The following ROR2 variants were observed in gnomAD, a reference collection of about 807,000 sequenced individuals.
The protein encoded by ROR2 is tyrosine-protein kinase transmembrane receptor ROR2.
ROR2 carries 33 observed loss-of-function variants against 74.9 expected under a neutral mutation model. The observed-to-expected ratio is 0.44, with a 90% CI of 0.33 to 0.59. The LOEUF (loss-of-function observed/expected upper bound fraction) is 0.59, where lower values mean the gene tolerates loss of function less well. Among genes scored for constraint, ROR2 ranks in the 20% least tolerant of loss-of-function variants. ROR2 has a pLI of 0.02. For synonymous variants in ROR2, 586 were observed against 558.7 expected, an observed-to-expected ratio of 1.05 and a Z score of -0.69; for missense variants, 1,216 against 1,313.8, an observed-to-expected ratio of 0.93 and a Z score of 1.15.
At chr9:91,930,741 C>T (rs147310642) in intron 1 of ROR2, among the ~76,000 whole-genome samples, 7 of 152,336 alleles carry the variant, frequency 4.6e-5, no homozygotes, top group Non-Finnish European at 8.8e-5. Flanking sequence ...AGATACAACA[C>T]ACCTATAAGC....
chr9:91,872,695 C>G (rs1829832893), intron 1 of ROR2, among the ~76,000 whole-genome samples: 1 of 152,180 alleles, frequency 6.6e-6, no homozygotes, highest in Non-Finnish European at 1.5e-5. Flanking sequence ...ATTACAGAGG[C>G]TGGGCTGGAA....
rs78004305 is a variant in ROR2 at position 91,848,822 on chromosome 9, T to C, written c.98-73004A>G. ...TAAGGCTGTAGTTGAAATACTGTAC[T>C]AGACTCATGCTGGCTGAGAGTTGGG... On this transcript the variant is annotated intron_variant, in intron 1 of 8. Transcript: ENST00000375708. Among the ~76,000 whole-genome samples the C allele has an allele frequency of 9.2e-3, 1,390 of 150,932 alleles. 25 individuals carry two copies. The highest frequency in any genetic ancestry group is 0.032 in the African/African-American group (1,297 of 41,048).
At chr9:91,840,005 ACC>A (rs1443173175) in intron 1 of ROR2, among the ~76,000 whole-genome samples, 2 of 151,970 alleles carry the variant, frequency 1.3e-5, no homozygotes, top group Admixed American at 6.5e-5. Flanking sequence ...GCGCTGTATC[ACC>A]CCACACTGTA....
At chr9:91,793,810 A>G (rs942525563) in intron 1 of ROR2, among the ~76,000 whole-genome samples, 1 of 152,166 alleles carries the variant, frequency 6.6e-6, no homozygotes, top group African/African-American at 2.4e-5. Context: ...TAAAATTGCA[A>G]TAGCTAATAA....
In ROR2 at chr9:91,775,784, T is replaced by C. The variant is rs773747984; in HGVS notation, c.132A>G (p.Leu44=). 1.1e-5 allele frequency: 17 copies of C among 1,614,084 alleles called. No homozygotes were observed. The highest frequency in any genetic ancestry group is 1.6e-4 in the Middle Eastern group (1 of 6,084). The change falls in exon 2 of 9, where the codon TTA becomes TTG. Residue 44 remains leucine, a synonymous_variant. Transcript: ENST00000375708. ...GGCCGTCCTGCCCATCAAGGGGTCCTAAAGGGTCGTTCGGATCCAGAACCT... is the reference window on the plus strand; with the variant it reads ...GGCCGTCCTGCCCATCAAGGGGTCCCAAAGGGTCGTTCGGATCCAGAACCT... ...EVEVLDPNDP[L]GPLDGQDGPI...
intron 1 of ROR2, among the ~76,000 whole-genome samples, chr9:91,933,032 C>G (rs114879302): frequency 6.6e-6 from 1 of 152,138 alleles, no homozygotes; most frequent in Non-Finnish European, 1.5e-5. Flanking sequence ...AGCACAGTGG[C>G]CTATGATTAC....
rs1290799129 is a variant in ROR2, at chr9:91,726,568, T to C, written c.1359A>G (p.Glu453=). ...QLMASPSQDM[E]MPLINQHKQA... is the part of the protein sequence containing the mutation. ...GTTTGTGCTGGTTAATGAGGGGCAT[T>C]TCCATGTCTTGGCTGGGCGAGGCCA... The change falls in exon 8 of 9, where the codon GAA becomes GAG. Residue 453 remains glutamate (E), a synonymous_variant. Coordinates refer to ENST00000375708, the MANE Select transcript of ROR2 (RefSeq NM_004560.4). 6.2e-7 allele frequency: 1 copy of C among 1,612,876 alleles called. No homozygotes were observed. The highest frequency in any genetic ancestry group is 8.5e-7 in the Non-Finnish European group (1 of 1,180,002).
chr9:91,796,272 T>C (rs1827161547), intron 1 of ROR2, among the ~76,000 whole-genome samples: 1 of 151,804 alleles, frequency 6.6e-6, no homozygotes, highest in African/African-American at 2.4e-5. Context: ...CAAAACCTCA[T>C]CTCTACAAAA....
intron 1 of ROR2, among the ~76,000 whole-genome samples, chr9:91,787,486 C>T (rs906247053): frequency 3.9e-5 from 6 of 151,980 alleles, no homozygotes; most frequent in Non-Finnish European, 5.9e-5. Context: ...GCCTGGGAGA[C>T]GGAACAAGAC....
chr9:91,825,757 G>T lies in ROR2; in HGVS notation c.98-49939C>A, dbSNP rs528139861. ...TCACTTATTTTGCTGGAAAAAAAGT[G>T]GGGGAGGGTAGGATGGACTGTGGAG... On this transcript the variant is annotated intron_variant, in intron 1 of 8. Coordinates refer to ENST00000375708, the MANE Select transcript of ROR2 (RefSeq NM_004560.4). 3.3e-5 allele frequency among the ~76,000 whole-genome samples: 5 copies of T among 152,242 alleles called. No homozygotes were observed. In the South Asian group the frequency reaches 1.0e-3, roughly 32 times the overall value.
At chr9:91,919,045 G>C (rs1831206590) in intron 1 of ROR2, among the ~76,000 whole-genome samples, 1 of 151,854 alleles carries the variant, frequency 6.6e-6, no homozygotes, top group Non-Finnish European at 1.5e-5. Flanking sequence ...AACACAGCCA[G>C]ACTGCCTAGG....
chr9:91,740,415 A>G (rs1231085967), intron 4 of ROR2, among the ~76,000 whole-genome samples: 2 of 151,912 alleles, frequency 1.3e-5, no homozygotes, highest in Non-Finnish European at 2.9e-5. Flanking sequence ...AGCCAGGCGT[A>G]GTGGTGGGTA....
intron 4 of ROR2, among the ~76,000 whole-genome samples, chr9:91,745,049 G>A (rs1301715257): frequency 6.6e-6 from 1 of 152,158 alleles, no homozygotes; most frequent in Non-Finnish European, 1.5e-5. Flanking sequence ...CACATCAAGT[G>A]TGCACATTTT....
At position 91,757,418 on chromosome 9, in the gene ROR2, G is replaced by A. The variant is rs145999828; in HGVS notation, c.317C>T (p.Pro106Leu). The A allele has an allele frequency of 9.7e-5, 156 of 1,613,910 alleles. 1 individual carries two copies. The African/African-American group carries it at 1.1e-3, about 12-fold the overall frequency. The change falls in exon 3 of 9, where the codon CCG becomes CTG. Residue 106 changes from proline (P) to leucine (L), a missense_variant. By Grantham distance (98) the Pro-to-Leu change is moderately conservative (BLOSUM62 -3). Coordinates refer to ENST00000375708, the MANE Select transcript of ROR2 (RefSeq NM_004560.4). The stretch of plus-strand genomic sequence containing the variant: ...TGTCTTCCGGATGATGATCCGCCGC[G>A]GCTCCTGCACCACCGGGGCATCATT... ...LKNDAPVVQEPRRIIIRKTEY... is the reference protein window; with the variant it reads ...LKNDAPVVQELRRIIIRKTEY...
chr9:91,750,025 C>A (rs1825551586), intron 4 of ROR2, among the ~76,000 whole-genome samples: 1 of 152,292 alleles, frequency 6.6e-6, no homozygotes, highest in Middle Eastern at 3.4e-3. Flanking sequence ...TCTCCGCCTC[C>A]CAAGTAGCTG....
chr9:91,914,032 T>TTC (rs770007826), intron 1 of ROR2, among the ~76,000 whole-genome samples: 2 of 151,206 alleles, frequency 1.3e-5, no homozygotes, highest in Non-Finnish European at 2.9e-5. Flanking sequence ...CTCTGGAGAG[T>TTC]TTCCAGCCAG....
intron 1 of ROR2, among the ~76,000 whole-genome samples, chr9:91,785,661 G>A (rs554222219): frequency 1.3e-5 from 2 of 152,370 alleles, no homozygotes; most frequent in Admixed American, 6.5e-5. Context: ...CAGATGTGGG[G>A]TGGTGCCTGC....
intron 2 of ROR2, among the ~76,000 whole-genome samples, chr9:91,774,932 T>A (rs970285399): frequency 6.6e-6 from 1 of 152,194 alleles, no homozygotes; most frequent in Non-Finnish European, 1.5e-5. Flanking sequence ...ATTGGGTCGG[T>A]TTCAGCGGGG....
At chr9:91,928,213 C>T (rs1415850981) in intron 1 of ROR2, among the ~76,000 whole-genome samples, 1 of 152,146 alleles carries the variant, frequency 6.6e-6, no homozygotes, top group Non-Finnish European at 1.5e-5. Context: ...ACCCCCAGGC[C>T]CCAAAGCCTG....
Sources: gnomAD v4.1 joint callset for allele counts (sites outside exome capture counted in the v4.1 genomes callset) on GRCh38, gnomAD v4.1.1 for gene constraint, MANE v1.5 for transcripts, NCBI Gene and HGNC (gene_info 2026-07-23, HGNC 2026-07-21) for gene names.